The following CELF4 variants were observed in gnomAD, a reference collection of about 807,000 sequenced individuals.
The protein encoded by CELF4 is CUG-BP- and ETR-3-like factor 4.
A neutral mutation model predicts 59.9 loss-of-function variants in CELF4; 18 were observed. The observed-to-expected ratio is 0.30, with a 90% confidence interval of 0.21 to 0.45. CELF4 has a LOEUF of 0.45. CELF4 is among the 20% of genes least tolerant of loss of function. The pLI is 1.00. For missense variants in CELF4, 456 were observed against 689.0 expected (o/e 0.66, Z 3.79); for synonymous variants, 261 against 267.1 (o/e 0.98, Z 0.22).
rs150654211 is a variant in CELF4 at position 37,423,858 on chromosome 18, GC to G, written c.369+61666del. ...AGATCTTTGACTGGGGGTTCATCAT[GC>G]TTTTCCCACCTTCTCGCTCCATAAG... On this transcript the variant is annotated intron_variant, in intron 2 of 12. Transcript: ENST00000420428. Among the ~76,000 whole-genome samples the G allele has an allele frequency of 7.7e-3, 1,174 of 152,076 alleles. 14 individuals carry two copies. Among genetic ancestry groups the G allele is most frequent in the African/African-American group, 0.027 (1,114 of 41,482 alleles).
intron 2 of CELF4, among the ~76,000 whole-genome samples, chr18:37,395,108 G>C (rs1173892535): frequency 6.6e-6 from 1 of 152,048 alleles, no homozygotes; most frequent in Admixed American, 6.6e-5. Context: ...CACTATTTCT[G>C]TCTACATATC....
At chr18:37,362,837 C>T (rs1569567745) in intron 2 of CELF4, among the ~76,000 whole-genome samples, 1 of 152,158 alleles carries the variant, frequency 6.6e-6, no homozygotes, top group Non-Finnish European at 1.5e-5. Flanking sequence ...CAAATCTGCT[C>T]TACACGTTTG....
intron 2 of CELF4, among the ~76,000 whole-genome samples, chr18:37,446,593 C>T (rs889532883): frequency 5.9e-5 from 9 of 152,214 alleles, no homozygotes; most frequent in Non-Finnish European, 1.2e-4. Flanking sequence ...CCATGTAATG[C>T]ACTGGACACA....
chr18:37,342,265 A>ACACG (rs1491470329), intron 2 of CELF4, among the ~76,000 whole-genome samples: 2 of 147,234 alleles, frequency 1.4e-5, no homozygotes, highest in Non-Finnish European at 3.0e-5. Context: ...ACACACACAC[A>ACACG]CGCTGGGCAC....
At chr18:37,333,348 C>A (rs889244360) in intron 2 of CELF4, among the ~76,000 whole-genome samples, 11 of 151,582 alleles carry the variant, frequency 7.3e-5, no homozygotes, top group East Asian at 5.9e-4. Context: ...TCCTCTCCCC[C>A]CTCTCCCTCT....
In CELF4 at chr18:37,243,173, TTTTTC is replaced by T. The variant is rs1362384577; in HGVS notation, c.*2064_*2068del. 6 of 142,756 alleles carry T rather than the reference TTTTTC, an allele frequency of 4.2e-5. No individual in the cohort carries two copies. Among genetic ancestry groups the T allele is most frequent in the African/African-American group, 1.6e-4 (6 of 36,432 alleles). 8.8% of individuals were successfully genotyped at this position (142,756 alleles called of 1,614,324 possible). ...ACTGAACTGCAGCTGTTTTCTTTTT[TTTTTC>T]TTTTTTTCTTTTTTTTTTTTTTTTT... On this transcript the variant is annotated 3_prime_UTR_variant, in exon 13 of 13. Coordinates refer to ENST00000420428, the MANE Select transcript of CELF4 (RefSeq NM_020180.4).
At chr18:37,377,758 G>A (rs1281535571) in intron 2 of CELF4, among the ~76,000 whole-genome samples, 1 of 152,170 alleles carries the variant, frequency 6.6e-6, no homozygotes, top group Non-Finnish European at 1.5e-5. Context: ...TCTCTAGAGT[G>A]TGCTTGGTTC....
chr18:37,466,799 C>G (rs2154602379), intron 2 of CELF4, among the ~76,000 whole-genome samples: 1 of 152,236 alleles, frequency 6.6e-6, no homozygotes. Context: ...CCAGCCTTAT[C>G]CAGATTGGGG....
chr18:37,387,059 C>T (rs56164970), intron 2 of CELF4, among the ~76,000 whole-genome samples: 4,243 of 152,330 alleles, frequency 0.028, 70 homozygotes, highest in Middle Eastern at 0.048. Context: ...AGGCGGCTCC[C>T]CAGCCCCGGC....
At chr18:37,400,737 T>C (rs2099316566) in intron 2 of CELF4, among the ~76,000 whole-genome samples, 1 of 152,250 alleles carries the variant, frequency 6.6e-6, no homozygotes, top group Admixed American at 6.5e-5. Context: ...CCAGAATGAA[T>C]GCCGTTCATG....
intron 2 of CELF4, among the ~76,000 whole-genome samples, chr18:37,329,873 C>A (rs2097475014): frequency 6.6e-6 from 1 of 152,256 alleles, no homozygotes; most frequent in Non-Finnish European, 1.5e-5. Context: ...GCCCATGACG[C>A]TGACCTGGGG....
chr18:37,552,249 A>T (rs2099983441), intron 1 of CELF4, among the ~76,000 whole-genome samples: 1 of 152,196 alleles, frequency 6.6e-6, no homozygotes, highest in African/African-American at 2.4e-5. Context: ...CCTTGTCGGA[A>T]CAGAGCCTGA....
At chr18:37,312,388 G>A (rs550381525) in intron 3 of CELF4, among the ~76,000 whole-genome samples, 3 of 152,248 alleles carry the variant, frequency 2.0e-5, no homozygotes, top group Non-Finnish European at 4.4e-5. Context: ...CCTGCACAGC[G>A]CCTGTCTGAG....
intron 1 of CELF4, among the ~76,000 whole-genome samples, chr18:37,491,321 T>C (rs2154603467): frequency 6.6e-6 from 1 of 152,080 alleles, no homozygotes; most frequent in Non-Finnish European, 1.5e-5. Context: ...GCCTGTCCTC[T>C]AATACTTGAG....
intron 1 of CELF4, among the ~76,000 whole-genome samples, chr18:37,555,489 C>T (rs945104550): frequency 6.6e-6 from 1 of 152,172 alleles, no homozygotes; most frequent in Non-Finnish European, 1.5e-5. Flanking sequence ...CCATGAAAAG[C>T]TCTCCCAAGA....
intron 2 of CELF4, among the ~76,000 whole-genome samples, chr18:37,326,780 C>T (rs949315657): frequency 2.2e-4 from 33 of 152,170 alleles, no homozygotes; most frequent in Non-Finnish European, 1.2e-4. Flanking sequence ...AGGGGGTGGG[C>T]AGGTGGATGG....
chr18:37,373,536 C>T (rs1224847120), intron 2 of CELF4, among the ~76,000 whole-genome samples: 6 of 152,198 alleles, frequency 3.9e-5, no homozygotes, highest in Admixed American at 2.0e-4. Context: ...TGATGACCAG[C>T]GGGTGTGTGT....
intron 7 of CELF4, among the ~76,000 whole-genome samples, chr18:37,272,572 G>GAAAAA (rs397692958): frequency 4.2e-4 from 44 of 104,814 alleles, no homozygotes; most frequent in Admixed American, 5.2e-4. Context: ...AAAGGGAAAT[G>GAAAAA]AAAAAAAAAA....
chr18:37,485,579 A>G lies in CELF4; in HGVS notation c.315T>C (p.Arg105=). 2 of 1,460,404 alleles carry G rather than the reference A, an allele frequency of 1.4e-6. No individual in the cohort carries two copies. Among genetic ancestry groups the G allele is most frequent in the Non-Finnish European group, 9.1e-7 (1 of 1,093,602 alleles). 90.5% of individuals were successfully genotyped at this position (1,460,404 alleles called of 1,614,324 possible). The change falls in exon 2 of 13, where the codon CGT becomes CGC. Residue 105 remains arginine (R), a synonymous_variant. Coordinates refer to ENST00000420428, the MANE Select transcript of CELF4 (RefSeq NM_020180.4). ...CGCTCTGGGCCTTCAGCGCTGACTC[A>G]CGCTCGCAGTAGGTGAGGAAGGCGC... ...KGCAFLTYCE[R]ESALKAQSAL... is the part of the protein sequence containing the mutation.
Sources: gnomAD v4.1 joint callset for allele counts (sites outside exome capture counted in the v4.1 genomes callset) on GRCh38, gnomAD v4.1.1 for gene constraint, MANE v1.5 for transcripts, NCBI Gene and HGNC (gene_info 2026-07-23, HGNC 2026-07-21) for gene names.